Variants in GLT8D2 observed in about 807,000 individuals in gnomAD.
The protein encoded by GLT8D2 is glycosyltransferase 8 domain containing 2, also known as glycosyltransferase 8 domain-containing protein 2.
A neutral mutation model predicts 44.5 loss-of-function variants in GLT8D2; 45 were observed. That is an observed-to-expected ratio of 1.01 (90% CI 0.80 to 1.30). GLT8D2 has a LOEUF of 1.30. GLT8D2 is among the 50% of genes most tolerant of loss of function. GLT8D2 has a pLI of 0.00. For synonymous variants in GLT8D2, 156 were observed against 157.2 expected, an observed-to-expected ratio of 0.99 and a Z score of 0.06; for missense variants, 400 against 430.4, an observed-to-expected ratio of 0.93 and a Z score of 0.62.
intron 1 of GLT8D2, among the ~76,000 whole-genome samples, chr12:104,034,272 A>T (rs552768513): frequency 2.0e-5 from 3 of 152,328 alleles, no homozygotes; most frequent in South Asian, 2.1e-4. Context: ...TACCTCGTTC[A>T]TCTCATTGGG....
At chr12:104,021,999 GAAGAAGAAGAAGAAGAAGAAGAAA>G (rs1337333295) in intron 1 of GLT8D2, among the ~76,000 whole-genome samples, 1,444 of 65,166 alleles carry the variant, frequency 0.022, 207 homozygotes, top group East Asian at 0.041. Context: ...AGAAGAAGAA[GAAGAAGAAGAAGAAGAAGAAGAAA>G]AAGAAGAAGA....
At chr12:103,993,242 A>C in intron 10 of GLT8D2, 150 bp downstream of exon 10, 1 of 662,620 alleles carries the variant, frequency 1.5e-6, no homozygotes, top group Non-Finnish European at 2.7e-6. Context: ...GAGGCAGGTG[A>C]ATTGCTTGAA....
At chr12:104,033,792 ATGTG>A (rs1002550392) in intron 1 of GLT8D2, among the ~76,000 whole-genome samples, 1 of 100,014 alleles carries the variant, frequency 1.0e-5, no homozygotes, top group Non-Finnish European at 2.0e-5. Context: ...GTGTGTATAT[ATGTG>A]TGTGTGTGTG....
At chr12:104,025,002 G>C (rs1457453032) in intron 1 of GLT8D2, among the ~76,000 whole-genome samples, 1 of 150,110 alleles carries the variant, frequency 6.7e-6, no homozygotes, top group East Asian at 2.0e-4. Context: ...CCTGGGAGGT[G>C]GAGGTTGCAG....
At chr12:104,027,843 C>T (rs1878765485) in intron 1 of GLT8D2, among the ~76,000 whole-genome samples, 3 of 152,140 alleles carry the variant, frequency 2.0e-5, no homozygotes, top group East Asian at 1.9e-4. Flanking sequence ...AAGCCCTTAA[C>T]CACAAAGTGC....
rs1201035866 is a variant in GLT8D2, at chr12:104,003,246, G to C, written c.173C>G (p.Ala58Gly). The change falls in exon 5 of 11, where the codon GCA becomes GGA. Residue 58 changes from alanine to glycine, a missense_variant. Coordinates refer to ENST00000360814, the MANE Select transcript of GLT8D2 (RefSeq NM_001384711.1). ...EEEIPVVICA[A>G]AGRMGATMAA... The stretch of plus-strand genomic sequence containing the variant: ...CATAGTGGCACCCATCCTCCCTGCT[G>C]CAGCACAAATCACCACAGGAATCTC... 4 of 1,614,066 alleles carry C rather than the reference G, an allele frequency of 2.5e-6. No individual in the cohort carries two copies. Among genetic ancestry groups the C allele is most frequent in the Non-Finnish European group, 3.4e-6 (4 of 1,179,946 alleles).
intron 4 of GLT8D2, among the ~76,000 whole-genome samples, chr12:104,004,878 A>C (rs530986902): frequency 1.2e-3 from 176 of 151,854 alleles, no homozygotes; most frequent in South Asian, 3.1e-3. Flanking sequence ...TTGGAAAAAA[A>C]TACTTTAAAG....
chr12:104,021,983 G>A (rs12369912), intron 1 of GLT8D2, among the ~76,000 whole-genome samples: 3,067 of 18,020 alleles, frequency 0.17, 643 homozygotes, highest in Non-Finnish European at 0.2. Context: ...AAGAGGAAGA[G>A]GAAGAAGAAG....
chr12:104,043,700 C>T (rs868510832), intron 1 of GLT8D2, among the ~76,000 whole-genome samples: 6 of 152,198 alleles, frequency 3.9e-5, no homozygotes, highest in African/African-American at 7.2e-5. Context: ...CTCCTGACCT[C>T]AGGTGATCCA....
intron 1 of GLT8D2, among the ~76,000 whole-genome samples, chr12:104,022,082 AAG>A (rs1377267621): frequency 1.7e-4 from 26 of 150,438 alleles, no homozygotes; most frequent in African/African-American, 6.2e-4. Flanking sequence ...AAGAAAAAAA[AAG>A]AAAGAAAGAA....
At chr12:104,062,099 G>A (rs1882704285) in intron 1 of GLT8D2, among the ~76,000 whole-genome samples, 1 of 151,816 alleles carries the variant, frequency 6.6e-6, no homozygotes, top group South Asian at 2.1e-4. Flanking sequence ...TTTAGACTGA[G>A]TTTTGTTCTT....
At chr12:104,045,936 A>C (rs917925033) in intron 1 of GLT8D2, among the ~76,000 whole-genome samples, 9 of 118,354 alleles carry the variant, frequency 7.6e-5, no homozygotes, top group Admixed American at 6.6e-4. Context: ...AGAAAGAAAG[A>C]AAAAGAAAGA....
At chr12:103,992,646 C>T (rs1199407307) in intron 10 of GLT8D2, among the ~76,000 whole-genome samples, 1 of 152,042 alleles carries the variant, frequency 6.6e-6, no homozygotes, top group Non-Finnish European at 1.5e-5. Context: ...GTGCCTGCCC[C>T]CATGCCCAGC....
At chr12:104,007,233 GCTCTCTCTCT>G (rs57109528) in intron 4 of GLT8D2, among the ~76,000 whole-genome samples, 1 of 66,286 alleles carries the variant, frequency 1.5e-5, no homozygotes, top group African/African-American at 5.5e-5. Flanking sequence ...TATACTTAAA[GCTCTCTCTCT>G]CTCTCTCTCT....
intron 1 of GLT8D2, among the ~76,000 whole-genome samples, chr12:104,028,458 T>C (rs1438922409): frequency 2.0e-5 from 3 of 152,146 alleles, no homozygotes; most frequent in African/African-American, 7.2e-5. Context: ...CTGAGGGCAC[T>C]AAAGTCAAGT....
intron 1 of GLT8D2, among the ~76,000 whole-genome samples, chr12:104,044,519 C>T (rs1213975069): frequency 1.3e-5 from 2 of 152,224 alleles, no homozygotes; most frequent in East Asian, 3.8e-4. Flanking sequence ...AAAGCCCCTA[C>T]ATTCACAACT....
intron 7 of GLT8D2, 62 bp downstream of exon 7, chr12:103,997,389 G>C (rs929469447): frequency 1.8e-6 from 2 of 1,140,390 alleles, no homozygotes; most frequent in Non-Finnish European, 2.7e-6. Flanking sequence ...AATGAAGAGA[G>C]ACAGTTATTC....
intron 1 of GLT8D2, among the ~76,000 whole-genome samples, chr12:104,049,134 T>C (rs1881466995): frequency 1.3e-5 from 2 of 151,716 alleles, no homozygotes; most frequent in Admixed American, 1.3e-4. Flanking sequence ...AACCAACCAA[T>C]ATCACTTTGG....
At chr12:104,059,734 T>G (rs1009185859) in intron 1 of GLT8D2, among the ~76,000 whole-genome samples, 3 of 152,124 alleles carry the variant, frequency 2.0e-5, no homozygotes, top group African/African-American at 4.8e-5. Context: ...TTGTTTGTTT[T>G]TTTCCTTCCC....
Sources: allele counts gnomAD v4.1 joint callset (sites outside exome capture counted in the v4.1 genomes callset), GRCh38; gene constraint gnomAD v4.1.1; transcripts MANE v1.5; gene names NCBI Gene and HGNC (gene_info 2026-07-23, HGNC 2026-07-21).